The following LPP variants were observed in gnomAD, a reference collection of about 807,000 sequenced individuals.
LPP encodes LIM domain containing preferred translocation partner in lipoma, also known as lipoma-preferred partner.
In LPP, 38 loss-of-function variants were observed where a neutral mutation model predicts 60.4. The observed-to-expected ratio is 0.63, with a 90% CI of 0.49 to 0.83. The LOEUF (loss-of-function observed/expected upper bound fraction) is 0.83, where lower values mean the gene tolerates loss of function less well. Among genes scored for constraint, LPP ranks in the 40% least tolerant of loss-of-function variants. LPP has a pLI of 0.00. For missense variants in LPP, 902 were observed against 783.6 expected (o/e 1.15, Z -1.80); for synonymous variants, 328 against 290.8 (o/e 1.13, Z -1.30).
rs191680614 is a variant in LPP at position 188,323,707 on chromosome 3, A to G, written c.-66-17956A>G. ...CCTTATTGCTATGCTGCTAGAGTCT[A>G]TGAATCAAGATTTGCCAGTTGTGAT... On this transcript the variant is annotated intron_variant, in intron 2 of 11. Coordinates refer to ENST00000617246, the MANE Select transcript of LPP (RefSeq NM_001375462.1). Among the ~76,000 whole-genome samples the G allele has an allele frequency of 7.4e-3, 1,130 of 152,352 alleles. 14 individuals carry two copies. The highest frequency in any genetic ancestry group is 0.046 in the South Asian group (220 of 4,834).
At chr3:188,284,962 C>T (rs1381707005) in intron 2 of LPP, among the ~76,000 whole-genome samples, 2 of 151,986 alleles carry the variant, frequency 1.3e-5, no homozygotes, top group Non-Finnish European at 2.9e-5. Context: ...TGACTTTCTG[C>T]TCTGGTTGTT....
intron 6 of LPP, among the ~76,000 whole-genome samples, chr3:188,545,225 G>A (rs1826271554): frequency 7.3e-6 from 1 of 136,238 alleles, no homozygotes; most frequent in East Asian, 2.3e-4. Context: ...TGCACAATGT[G>A]CACATGTACC....
chr3:188,843,515 C>T (rs1039574704), intron 9 of LPP, among the ~76,000 whole-genome samples: 2 of 152,036 alleles, frequency 1.3e-5, no homozygotes, highest in South Asian at 2.1e-4. Flanking sequence ...GGGCTGGGCG[C>T]GGTGGCTCAC....
At chr3:188,772,365 A>G (rs780211891) in intron 9 of LPP, among the ~76,000 whole-genome samples, 20 of 152,146 alleles carry the variant, frequency 1.3e-4, no homozygotes, top group Non-Finnish European at 2.5e-4. Context: ...TCATTTCCAC[A>G]TCTCTCATAG....
chr3:188,394,646 A>G (rs1298508877), intron 3 of LPP, among the ~76,000 whole-genome samples: 1 of 151,254 alleles, frequency 6.6e-6, no homozygotes, highest in African/African-American at 2.4e-5. Context: ...ATTTTATTTT[A>G]TATTTTTACA....
chr3:188,490,930 G>A (rs535011217), intron 5 of LPP, among the ~76,000 whole-genome samples: 33 of 151,266 alleles, frequency 2.2e-4, no homozygotes, highest in Non-Finnish European at 4.0e-4. Flanking sequence ...AATTTTTTTA[G>A]TTTTTTATTT....
chr3:188,842,012 T>G (rs909076905), intron 9 of LPP, among the ~76,000 whole-genome samples: 2 of 152,192 alleles, frequency 1.3e-5, no homozygotes, highest in Non-Finnish European at 1.5e-5. Context: ...AGACTTCCTC[T>G]CTTTCTATTT....
chr3:188,512,524 G>A (rs147770971), intron 5 of LPP, among the ~76,000 whole-genome samples: 99 of 151,514 alleles, frequency 6.5e-4, no homozygotes, highest in African/African-American at 2.0e-3. Flanking sequence ...GTGCCATTGC[G>A]CTCTAGTCTG....
At chr3:188,522,591 G>A (rs1819178678) in intron 5 of LPP, among the ~76,000 whole-genome samples, 4 of 151,880 alleles carry the variant, frequency 2.6e-5, no homozygotes, top group Admixed American at 2.6e-4. Context: ...AACAGACAAA[G>A]CTTCTCATGA....
intron 3 of LPP, among the ~76,000 whole-genome samples, chr3:188,378,784 T>A (rs1309036818): frequency 6.6e-6 from 1 of 152,192 alleles, no homozygotes; most frequent in Non-Finnish European, 1.5e-5. Context: ...AATGCAGAAA[T>A]CACCCATCTT....
chr3:188,295,333 T>A (rs1379847224), intron 2 of LPP, among the ~76,000 whole-genome samples: 3 of 152,150 alleles, frequency 2.0e-5, no homozygotes, highest in Non-Finnish European at 4.4e-5. Flanking sequence ...CCAGCTATAT[T>A]TGAGTGGATC....
At position 188,874,809 on chromosome 3, in the gene LPP, T is replaced by G. The variant is rs551695218; in HGVS notation, c.*330T>G. ...TTTTCATCTGGTTGAATGGCTTTTCTTAGTGTGGTATTTGCTGTCACATAG... is the reference window on the plus strand; with the variant it reads ...TTTTCATCTGGTTGAATGGCTTTTCGTAGTGTGGTATTTGCTGTCACATAG... On this transcript the variant is annotated 3_prime_UTR_variant, in exon 12 of 12. Transcript: ENST00000617246. The G allele has an allele frequency of 3.9e-6, 1 of 257,032 alleles. No homozygotes were observed. Among genetic ancestry groups the G allele is most frequent in the Non-Finnish European group, 7.6e-6 (1 of 132,348 alleles). The allele number at this position is 257,032 out of a possible 1,614,324, so 15.9% of individuals were successfully genotyped here.
intron 5 of LPP, among the ~76,000 whole-genome samples, chr3:188,524,133 G>A (rs529599329): frequency 1.9e-4 from 29 of 152,256 alleles, no homozygotes; most frequent in African/African-American, 6.7e-4. Context: ...CATGTTCTAG[G>A]TGCATCTCTT....
chr3:188,429,151 A>C (rs546150476), intron 4 of LPP, among the ~76,000 whole-genome samples: 7 of 152,218 alleles, frequency 4.6e-5, no homozygotes, highest in Non-Finnish European at 7.3e-5. Flanking sequence ...CGTATGGTTA[A>C]GTTACAGAAG....
chr3:188,335,525 G>A (rs1578170510), intron 2 of LPP, among the ~76,000 whole-genome samples: 1 of 152,130 alleles, frequency 6.6e-6, no homozygotes, highest in African/African-American at 2.4e-5. Flanking sequence ...TCTGGTTTTG[G>A]TATGAGGGTA....
chr3:188,406,675 A>G (rs1783576245), intron 4 of LPP, among the ~76,000 whole-genome samples: 1 of 152,154 alleles, frequency 6.6e-6, no homozygotes, highest in Non-Finnish European at 1.5e-5. Flanking sequence ...TTGCCGTTGG[A>G]CAAATGTCCA....
chr3:188,641,293 G>C (rs1850065673), intron 7 of LPP, among the ~76,000 whole-genome samples: 1 of 152,216 alleles, frequency 6.6e-6, no homozygotes, highest in South Asian at 2.1e-4. Flanking sequence ...GAGAGAGTGA[G>C]AGGAAGAATG....
At chr3:188,766,386 A>AAAAAAAAAAAAAAAAAAC (rs1734153507) in intron 9 of LPP, among the ~76,000 whole-genome samples, 1 of 151,802 alleles carries the variant, frequency 6.6e-6, no homozygotes, top group Non-Finnish European at 1.5e-5. Context: ...AGCAAAAAAA[A>AAAAAAAAAAAAAAAAAAC]AAGGTTAAAA....
chr3:188,611,090 G>A (rs572106007), intron 7 of LPP, among the ~76,000 whole-genome samples: 46 of 152,198 alleles, frequency 3.0e-4, no homozygotes, highest in East Asian at 1.5e-3. Flanking sequence ...ATATGAAAGC[G>A]TCTGCCATAT....
Sources: gnomAD v4.1 joint callset for allele counts (sites outside exome capture counted in the v4.1 genomes callset) on GRCh38, gnomAD v4.1.1 for gene constraint, MANE v1.5 for transcripts, NCBI Gene and HGNC (gene_info 2026-07-23, HGNC 2026-07-21) for gene names.